PEAK1: variants seen among roughly 807,000 people sequenced by gnomAD.
PEAK1 encodes the protein inactive tyrosine-protein kinase PEAK1.
PEAK1 carries 54 observed loss-of-function variants against 124.7 expected under a neutral mutation model. The ratio of observed to expected loss-of-function variants is 0.43; its 90% CI spans 0.35 to 0.54. PEAK1 has a LOEUF of 0.54. Ranked by LOEUF, PEAK1 falls within the 20% of genes least tolerant of loss-of-function variation. The pLI is 0.01. For synonymous variants in PEAK1, 719 were observed against 760.0 expected (o/e 0.95, Z 0.89); for missense variants, 2,046 against 2,134.5 (o/e 0.96, Z 0.82).
chr15:77,199,890 T>C (rs1038912004), intron 6 of PEAK1, among the ~76,000 whole-genome samples: 1 of 152,132 alleles, frequency 6.6e-6, no homozygotes. Flanking sequence ...AAGACTGCTA[T>C]TGACTTCTTT....
intron 1 of PEAK1, among the ~76,000 whole-genome samples, chr15:77,379,918 T>G (rs769168348): frequency 5.3e-5 from 8 of 152,180 alleles, no homozygotes; most frequent in Admixed American, 3.9e-4. Flanking sequence ...GGATAACTAC[T>G]CCAAACCTAC....
intron 6 of PEAK1, among the ~76,000 whole-genome samples, chr15:77,221,414 A>G (rs1596686559): frequency 1.3e-5 from 2 of 152,238 alleles, no homozygotes; most frequent in South Asian, 4.1e-4. Context: ...ATCATTTGTG[A>G]GCAGCCAGAT....
intron 2 of PEAK1, among the ~76,000 whole-genome samples, chr15:77,313,724 GTGTA>G (rs1221056548): frequency 1.8e-5 from 2 of 108,304 alleles, no homozygotes; most frequent in African/African-American, 3.6e-5. Context: ...GTGTGTGTGT[GTGTA>G]TATATATATA....
At chr15:77,352,829 G>C in intron 2 of PEAK1, 1 of 985,162 alleles carries the variant, frequency 1.0e-6, no homozygotes, top group Non-Finnish European at 1.2e-6. Context: ...GTGCCAAACA[G>C]GTGTTCATAA....
chr15:77,377,615 G>T (rs1175821371), intron 1 of PEAK1, among the ~76,000 whole-genome samples: 1 of 151,950 alleles, frequency 6.6e-6, no homozygotes, highest in Non-Finnish European at 1.5e-5. Flanking sequence ...GACTACAGGT[G>T]TGCACCATCA....
At chr15:77,217,351 G>A (rs984632120) in intron 6 of PEAK1, among the ~76,000 whole-genome samples, 2 of 151,948 alleles carry the variant, frequency 1.3e-5, no homozygotes, top group African/African-American at 4.8e-5. Flanking sequence ...CAAAGGTCAT[G>A]ACAACAGTTT....
chr15:77,143,962 T>C (rs1245342517), intron 8 of PEAK1, among the ~76,000 whole-genome samples: 1 of 152,234 alleles, frequency 6.6e-6, no homozygotes, highest in Non-Finnish European at 1.5e-5. Flanking sequence ...GTAAGAAGCT[T>C]TATGGGCAGC....
Position 77,209,021 on chromosome 15 carries a change from G to A in PEAK1, c.-114-26981C>T, listed in dbSNP as rs116530343. On this transcript the variant is annotated intron_variant, in intron 6 of 9. Transcript: ENST00000682557. ...TTAACTATTTTTGGAAGTTAGGGAAGATTTGTCTACAGACTAGCAAGTAAA... is the reference window on the plus strand; with the variant it reads ...TTAACTATTTTTGGAAGTTAGGGAAAATTTGTCTACAGACTAGCAAGTAAA... Among the ~76,000 whole-genome samples, 1,114 of 152,262 alleles carry A rather than the reference G, an allele frequency of 7.3e-3. 15 individuals carry two copies. The highest frequency in any genetic ancestry group is 0.025 in the African/African-American group (1,058 of 41,560).
chr15:77,160,548 C>T (rs1165061265), intron 7 of PEAK1, among the ~76,000 whole-genome samples: 4 of 151,864 alleles, frequency 2.6e-5, no homozygotes, highest in African/African-American at 7.3e-5. Flanking sequence ...TGGTGGTGCA[C>T]GCCTGTAGTT....
rs140910072 is a variant in PEAK1, at chr15:77,207,672, G to A, written c.-114-25632C>T. Among the ~76,000 whole-genome samples the A allele has an allele frequency of 4.8e-3, 729 of 152,052 alleles. 4 individuals carry two copies. Among genetic ancestry groups the A allele is most frequent in the African/African-American group, 0.016 (675 of 41,542 alleles). On this transcript the variant is annotated intron_variant, in intron 6 of 9. Transcript: ENST00000682557. ...AAAGATCAGTGGTTGCCAGGAATAAGGGGGAACGGAGGAATGAATAGGTGG... is the reference window on the plus strand; with the variant it reads ...AAAGATCAGTGGTTGCCAGGAATAAAGGGGAACGGAGGAATGAATAGGTGG...
At chr15:77,170,791 T>C (rs2056450903) in intron 7 of PEAK1, among the ~76,000 whole-genome samples, 1 of 152,180 alleles carries the variant, frequency 6.6e-6, no homozygotes, top group African/African-American at 2.4e-5. Context: ...AAGTTACAAC[T>C]ACTCAGGGTA....
At chr15:77,225,123 G>T (rs2059571859) in intron 6 of PEAK1, among the ~76,000 whole-genome samples, 1 of 151,950 alleles carries the variant, frequency 6.6e-6, no homozygotes, top group South Asian at 2.1e-4. Context: ...CAAATCAATG[G>T]TTATTTTGCA....
chr15:77,259,901 TA>T (rs2061350544), intron 5 of PEAK1, among the ~76,000 whole-genome samples: 1 of 152,156 alleles, frequency 6.6e-6, no homozygotes, highest in Admixed American at 6.6e-5. Context: ...GGCTAGAATT[TA>T]TGGAGCAGAA....
chr15:77,220,544 G>A (rs2059343211), intron 6 of PEAK1, among the ~76,000 whole-genome samples: 1 of 146,584 alleles, frequency 6.8e-6, no homozygotes, highest in African/African-American at 2.5e-5. Flanking sequence ...AAAACGGTGA[G>A]GAACCAGTTA....
chr15:77,205,763 T>G (rs942978887), intron 6 of PEAK1, among the ~76,000 whole-genome samples: 1 of 152,228 alleles, frequency 6.6e-6, no homozygotes, highest in East Asian at 1.9e-4. Context: ...GATAGCCATG[T>G]AAGGAAACTG....
In PEAK1 at chr15:77,180,868, AC is replaced by A; in HGVS notation, c.1058del (p.Arg353LeufsTer28). The A allele has an allele frequency of 6.2e-7, 1 of 1,614,006 alleles. No homozygotes were observed. Among genetic ancestry groups the A allele is most frequent in the Middle Eastern group, 1.6e-4 (1 of 6,062 alleles). The part of the protein sequence containing the change: ...SPDSSLTEES[R>X]SETASSLSQK... ...GGGATAAACTACTGGCTGTCTCAGAACGTGATTCTTCTGTTAAAGAAGAATC... is the reference window on the plus strand; with the variant it reads ...GGGATAAACTACTGGCTGTCTCAGAAGTGATTCTTCTGTTAAAGAAGAATC... On this transcript the variant is annotated frameshift_variant, in exon 7 of 10. Transcript: ENST00000682557. LOFTEE classifies it high-confidence loss of function.
In PEAK1 at chr15:77,179,374, G is replaced by A; in HGVS notation, c.2553C>T (p.Val851=). ...KVQKDPSIKP[V]TPSPSKLVTS... is the part of the protein sequence containing the mutation. The stretch of plus-strand genomic sequence containing the variant: ...TCACTAATTTGGAGGGAGAGGGGGT[G>A]ACTGGCTTTATGGATGGGTCTTTCT... Residue 851 remains valine, a synonymous_variant, in exon 7 of 10, where the codon GTC becomes GTT. Coordinates refer to ENST00000682557, the MANE Select transcript of PEAK1 (RefSeq NM_001385026.1). 6.2e-7 allele frequency: 1 copy of A among 1,614,126 alleles called. No individual in the cohort carries two copies. Among genetic ancestry groups the A allele is most frequent in the Non-Finnish European group, 8.5e-7 (1 of 1,180,030 alleles).
chr15:77,145,500 A>G (rs1191019893), intron 8 of PEAK1, among the ~76,000 whole-genome samples: 1 of 152,158 alleles, frequency 6.6e-6, no homozygotes, highest in Non-Finnish European at 1.5e-5. Flanking sequence ...TGTTCTGGAA[A>G]GCAAACAAAT....
intron 1 of PEAK1, among the ~76,000 whole-genome samples, chr15:77,395,182 C>T (rs2070781575): frequency 6.6e-6 from 1 of 152,022 alleles, no homozygotes; most frequent in Admixed American, 6.6e-5. Context: ...CTGAAGAATG[C>T]ATCAGAGTTT....
Sources: allele counts gnomAD v4.1 joint callset (sites outside exome capture counted in the v4.1 genomes callset), GRCh38; gene constraint gnomAD v4.1.1; transcripts MANE v1.5; gene names NCBI Gene and HGNC (gene_info 2026-07-23, HGNC 2026-07-21).